Variants in BMPR2 observed in about 807,000 individuals in gnomAD.
BMPR2 encodes bone morphogenetic protein receptor type 2.
In BMPR2, 29 loss-of-function variants were observed where a neutral mutation model predicts 100.8. The observed-to-expected ratio is 0.29, with a 90% CI of 0.21 to 0.39. The LOEUF (loss-of-function observed/expected upper bound fraction) is 0.39. Among genes scored for constraint, BMPR2 ranks in the 10% least tolerant of loss-of-function variants. The probability of loss-of-function intolerance (pLI) is 1.00; values close to 1 mark genes in which losing one functional copy is unlikely to be tolerated. For missense variants in BMPR2, 1,011 were observed against 1,274.5 expected (o/e 0.79, Z 3.15); for synonymous variants, 382 against 442.3 (o/e 0.86, Z 1.71).
intron 10 of BMPR2, among the ~76,000 whole-genome samples, chr2:202,550,619 C>T (rs1183961589): frequency 1.3e-5 from 2 of 151,992 alleles, no homozygotes; most frequent in Admixed American, 6.6e-5. Flanking sequence ...CTTTGGGAGA[C>T]CGAGGCAGAA....
At chr2:202,393,886 A>AGAGAGAGAGC (rs1690604108) in intron 1 of BMPR2, among the ~76,000 whole-genome samples, 1 of 40,544 alleles carries the variant, frequency 2.5e-5, no homozygotes, top group Admixed American at 2.5e-4. Context: ...AGAGAGCGAG[A>AGAGAGAGAGC]GAGAGAGAGA....
chr2:202,557,454 C>T (rs1688595610), intron 12 of BMPR2, among the ~76,000 whole-genome samples: 1 of 139,164 alleles, frequency 7.2e-6, no homozygotes, highest in Non-Finnish European at 1.5e-5. Context: ...CAGAATGAAA[C>T]TCTGTCTCAA....
Position 202,464,867 on chromosome 2 carries a change from G to A in BMPR2, c.135G>A (p.Gly45=). Residue 45 remains glycine, a synonymous_variant, in exon 2 of 13, where the codon GGG becomes GGA. Coordinates refer to ENST00000374580, the MANE Select transcript of BMPR2 (RefSeq NM_001204.7). The part of the protein sequence containing the change: ...AFKDPYQQDL[G]IGESRISHEN... The stretch of plus-strand genomic sequence containing the variant: ...AAGATCCGTATCAGCAAGACCTTGG[G>A]ATAGGTGAGAGTAGAATCTCTCATG... The A allele has an allele frequency of 6.2e-7, 1 of 1,614,128 alleles. No individual in the cohort carries two copies. Among genetic ancestry groups the A allele is most frequent in the Non-Finnish European group, 8.5e-7 (1 of 1,180,002 alleles).
At chr2:202,421,078 C>G (rs1435175471) in intron 1 of BMPR2, among the ~76,000 whole-genome samples, 1 of 151,324 alleles carries the variant, frequency 6.6e-6, no homozygotes, top group Non-Finnish European at 1.5e-5. Flanking sequence ...GGTGAAACCC[C>G]GTCTCTACAA....
At chr2:202,453,078 C>A (rs879720724) in intron 1 of BMPR2, among the ~76,000 whole-genome samples, 5 of 152,052 alleles carry the variant, frequency 3.3e-5, no homozygotes, top group Non-Finnish European at 7.4e-5. Flanking sequence ...TTATGTAGGT[C>A]CTTGTACAAC....
chr2:202,463,909 C>T (rs546301534), intron 1 of BMPR2, among the ~76,000 whole-genome samples: 1 of 152,058 alleles, frequency 6.6e-6, no homozygotes, highest in Admixed American at 6.5e-5. Flanking sequence ...CCTGTAATCC[C>T]AGCACTTTTG....
chr2:202,397,118 A>C (rs960108798), intron 1 of BMPR2, among the ~76,000 whole-genome samples: 6 of 152,214 alleles, frequency 3.9e-5, no homozygotes, highest in African/African-American at 1.4e-4. Context: ...CTTTTTATTG[A>C]TATCTTGAAT....
intron 5 of BMPR2, among the ~76,000 whole-genome samples, chr2:202,518,125 C>T (rs1184636076): frequency 3.1e-5 from 4 of 127,886 alleles, no homozygotes; most frequent in African/African-American, 9.0e-5. Flanking sequence ...CGCGCCTGGC[C>T]TCTTTTTTTT....
intron 10 of BMPR2, among the ~76,000 whole-genome samples, chr2:202,544,564 G>A (rs927550026): frequency 8.6e-5 from 13 of 151,860 alleles, no homozygotes; most frequent in South Asian, 2.1e-4. Context: ...TTTTTGTTTC[G>A]TTATGTTTTT....
chr2:202,487,172 G>T (rs909374715), intron 3 of BMPR2, among the ~76,000 whole-genome samples: 38 of 152,284 alleles, frequency 2.5e-4, no homozygotes, highest in African/African-American at 8.7e-4. Context: ...CCTGGCATAT[G>T]TAAGCCTATG....
chr2:202,540,974 T>G (rs530931427), intron 9 of BMPR2, among the ~76,000 whole-genome samples: 75 of 152,318 alleles, frequency 4.9e-4, no homozygotes, highest in African/African-American at 1.5e-3. Flanking sequence ...GGGTCTTCTA[T>G]GTGGTTCAAT....
At chr2:202,389,096 G>C (rs1690493875) in intron 1 of BMPR2, among the ~76,000 whole-genome samples, 1 of 151,940 alleles carries the variant, frequency 6.6e-6, no homozygotes, top group Non-Finnish European at 1.5e-5. Context: ...AGCTGAGTGT[G>C]AGTCTGTAGT....
intron 1 of BMPR2, among the ~76,000 whole-genome samples, chr2:202,385,790 A>C (rs911944721): frequency 6.6e-6 from 1 of 151,446 alleles, no homozygotes; most frequent in Admixed American, 6.6e-5. Flanking sequence ...TCATTTTTTC[A>C]TAATTGTGTG....
intron 1 of BMPR2, among the ~76,000 whole-genome samples, chr2:202,389,809 T>G (rs1461271091): frequency 1.3e-5 from 2 of 151,804 alleles, no homozygotes; most frequent in East Asian, 3.9e-4. Context: ...GTCCGGCTAA[T>G]TTTGTGTTTT....
At chr2:202,554,187 C>G (rs1254800149) in intron 11 of BMPR2, among the ~76,000 whole-genome samples, 1 of 152,176 alleles carries the variant, frequency 6.6e-6, no homozygotes, top group Non-Finnish European at 1.5e-5. Context: ...TGAGGACAGT[C>G]TTCTGCTTTT....
chr2:202,396,175 G>A (rs1327818643), intron 1 of BMPR2, among the ~76,000 whole-genome samples: 2 of 152,170 alleles, frequency 1.3e-5, no homozygotes, highest in African/African-American at 4.8e-5. Context: ...GGTAACTTGA[G>A]CAATCCTTTA....
chr2:202,420,787 T>C (rs1359336540), intron 1 of BMPR2, among the ~76,000 whole-genome samples: 2 of 151,508 alleles, frequency 1.3e-5, no homozygotes, highest in African/African-American at 2.4e-5. Context: ...CCTCAGGTCA[T>C]CCACCTGCCT....
At position 202,400,308 on chromosome 2, in the gene BMPR2, A is replaced by ATT. The variant is rs35517349; in HGVS notation, c.76+22778_76+22779dup. ...AGGTGTATACCACCATGCCAAGCTA[A>ATT]TTTTTTTTTTTTTTTTTTTTTGGTA... On this transcript the variant is annotated intron_variant, in intron 1 of 12. Transcript: ENST00000374580. Among the ~76,000 whole-genome samples, 42 of 130,568 alleles carry ATT rather than the reference A, an allele frequency of 3.2e-4. 1 individual carries two copies. The highest frequency in any genetic ancestry group is 7.1e-4 in the Admixed American group (9 of 12,614). The allele number at this position is 130,568 out of a possible 152,430, so 85.7% of individuals were successfully genotyped here. A position where few individuals can be genotyped will look rare whatever the true frequency, so the allele number is the denominator to read the frequency against.
At position 202,430,556 on chromosome 2, in the gene BMPR2, T is replaced by C. The variant is rs532988204; in HGVS notation, c.77-34253T>C. 1.2e-4 allele frequency among the ~76,000 whole-genome samples: 19 copies of C among 152,374 alleles called. No homozygotes were observed. In the South Asian group the frequency reaches 3.9e-3, roughly 32 times the overall value. On this transcript the variant is annotated intron_variant, in intron 1 of 12. Transcript: ENST00000374580. Reference sequence around the variant, plus strand: ...GCCTAGAGTAGGTCTTCTGGACTGCTAACTTTGACTGACATTACTGATGAA... The same window carrying C: ...GCCTAGAGTAGGTCTTCTGGACTGCCAACTTTGACTGACATTACTGATGAA...
Sources: gnomAD v4.1 joint callset for allele counts (sites outside exome capture counted in the v4.1 genomes callset) on GRCh38, gnomAD v4.1.1 for gene constraint, MANE v1.5 for transcripts, NCBI Gene and HGNC (gene_info 2026-07-23, HGNC 2026-07-21) for gene names.